Variants in GHR observed in about 807,000 individuals in gnomAD.
The protein encoded by GHR is growth hormone receptor, also known as GH receptor.
In GHR, 35 loss-of-function variants were observed where a neutral mutation model predicts 67.1. The observed-to-expected ratio is 0.52, with a 90% CI of 0.40 to 0.69. The LOEUF is 0.69. Among genes scored for constraint, GHR ranks in the 30% least tolerant of loss-of-function variants. The probability of loss-of-function intolerance (pLI) is 0.00; values close to 1 mark genes in which losing one functional copy is unlikely to be tolerated. For missense variants in GHR, 792 were observed against 764.6 expected (o/e 1.04, Z -0.42); for synonymous variants, 272 against 269.1 (o/e 1.01, Z -0.10).
At chr5:42,568,673 C>T (rs972908389) in intron 2 of GHR, among the ~76,000 whole-genome samples, 4 of 152,154 alleles carry the variant, frequency 2.6e-5, no homozygotes, top group African/African-American at 9.7e-5. Context: ...TGGAAGTAAG[C>T]AAGCCCCTGC....
At chr5:42,446,745 G>A (rs1743820974) in intron 1 of GHR, among the ~76,000 whole-genome samples, 1 of 152,202 alleles carries the variant, frequency 6.6e-6, no homozygotes, top group African/African-American at 2.4e-5. Flanking sequence ...GAAGCCTAGT[G>A]TTTATCACCA....
At chr5:42,451,610 G>A (rs1390320637) in intron 1 of GHR, among the ~76,000 whole-genome samples, 1 of 150,852 alleles carries the variant, frequency 6.6e-6, no homozygotes, top group Non-Finnish European at 1.5e-5. Flanking sequence ...AGAGGCTGTG[G>A]CAGGAGAGTC....
intron 1 of GHR, among the ~76,000 whole-genome samples, chr5:42,438,053 G>C (rs1330781797): frequency 6.6e-6 from 1 of 152,120 alleles, no homozygotes; most frequent in Non-Finnish European, 1.5e-5. Context: ...TAAACTCTTA[G>C]AAGGCAAAGG....
At chr5:42,603,913 T>C (rs1385347983) in intron 2 of GHR, among the ~76,000 whole-genome samples, 1 of 152,216 alleles carries the variant, frequency 6.6e-6, no homozygotes, top group Non-Finnish European at 1.5e-5. Context: ...CCAGGTTATT[T>C]TGCCTGTACT....
chr5:42,490,571 T>TA (rs1746074298), intron 1 of GHR, among the ~76,000 whole-genome samples: 1 of 152,244 alleles, frequency 6.6e-6, no homozygotes, highest in Non-Finnish European at 1.5e-5. Context: ...TGGCCCCCAG[T>TA]ATCCTGCTTT....
intron 2 of GHR, among the ~76,000 whole-genome samples, chr5:42,575,440 G>A (rs1750602627): frequency 1.3e-5 from 2 of 152,110 alleles, no homozygotes; most frequent in Admixed American, 1.3e-4. Flanking sequence ...AGCGATAGGA[G>A]AGTCAGAAAA....
At chr5:42,461,872 G>C (rs1351281407) in intron 1 of GHR, among the ~76,000 whole-genome samples, 2 of 152,208 alleles carry the variant, frequency 1.3e-5, no homozygotes, top group Non-Finnish European at 2.9e-5. Flanking sequence ...CAGACTGGTA[G>C]GGACTAGGTA....
intron 1 of GHR, among the ~76,000 whole-genome samples, chr5:42,562,213 T>C (rs1480030135): frequency 6.6e-6 from 1 of 152,150 alleles, no homozygotes; most frequent in Non-Finnish European, 1.5e-5. Context: ...ATGTGGACAG[T>C]GTACAATCCA....
intron 3 of GHR, among the ~76,000 whole-genome samples, chr5:42,681,207 G>A (rs1341361026): frequency 6.6e-6 from 1 of 150,762 alleles, no homozygotes; most frequent in Non-Finnish European, 1.5e-5. Flanking sequence ...TTTGCAATCC[G>A]CCCATCTGAC....
chr5:42,672,232 G>A (rs1201225910), intron 3 of GHR, among the ~76,000 whole-genome samples: 1 of 152,082 alleles, frequency 6.6e-6, no homozygotes, highest in East Asian at 1.9e-4. Context: ...ATAATTCTAT[G>A]CCTAGAAAAA....
intron 2 of GHR, among the ~76,000 whole-genome samples, chr5:42,569,432 C>G (rs77359521): frequency 1.0e-3 from 156 of 152,118 alleles, no homozygotes; most frequent in African/African-American, 3.7e-3. Flanking sequence ...ATAGAAGGCC[C>G]AGAGATAGCA....
intron 1 of GHR, among the ~76,000 whole-genome samples, chr5:42,438,209 C>T (rs1410259848): frequency 1.3e-5 from 2 of 152,166 alleles, no homozygotes; most frequent in Admixed American, 6.6e-5. Context: ...AACCCATGAT[C>T]GACCTAATTG....
At chr5:42,638,331 C>CT (rs1754304755) in intron 3 of GHR, among the ~76,000 whole-genome samples, 1 of 152,160 alleles carries the variant, frequency 6.6e-6, no homozygotes, top group Non-Finnish European at 1.5e-5. Flanking sequence ...ACAGTGTTCA[C>CT]TTTATAAATT....
At chr5:42,646,905 G>A (rs1443372443) in intron 3 of GHR, among the ~76,000 whole-genome samples, 1 of 152,116 alleles carries the variant, frequency 6.6e-6, no homozygotes, top group Admixed American at 6.5e-5. Context: ...TGGGGCTTGG[G>A]ATTTTGAGAT....
intron 1 of GHR, among the ~76,000 whole-genome samples, chr5:42,534,717 T>C (rs547962626): frequency 2.0e-5 from 3 of 152,214 alleles, no homozygotes; most frequent in South Asian, 2.1e-4. Flanking sequence ...CTACTTTTAG[T>C]TCTTTAAGGA....
At position 42,461,767 on chromosome 5, in the gene GHR, G is replaced by A. The variant is rs78420100; in HGVS notation, c.-12+37812G>A. 1.9e-3 allele frequency among the ~76,000 whole-genome samples: 286 copies of A among 152,244 alleles called. 1 individual carries two copies. The highest frequency in any genetic ancestry group is 3.4e-3 in the Middle Eastern group (1 of 294). ...ATGTCTCTTAGTATTTATGGAAGGG[G>A]ACATGAAAAAAGAAAAAGTCCACTG... On this transcript the variant is annotated intron_variant, in intron 1 of 9. Coordinates refer to ENST00000230882, the MANE Select transcript of GHR (RefSeq NM_000163.5).
intron 3 of GHR, among the ~76,000 whole-genome samples, chr5:42,656,861 C>T (rs936037379): frequency 2.6e-5 from 4 of 152,020 alleles, no homozygotes; most frequent in African/African-American, 4.8e-5. Context: ...TATTTGCTGC[C>T]ATCTAGTGTA....
intron 3 of GHR, among the ~76,000 whole-genome samples, chr5:42,656,502 A>G (rs1400990357): frequency 1.3e-5 from 2 of 152,068 alleles, no homozygotes; most frequent in African/African-American, 2.4e-5. Context: ...TCTAAAGCCT[A>G]TCTTTGCACT....
chr5:42,470,502 A>T (rs1202527259), intron 1 of GHR, among the ~76,000 whole-genome samples: 1 of 152,120 alleles, frequency 6.6e-6, no homozygotes, highest in African/African-American at 2.4e-5. Context: ...CATCAATAAC[A>T]GTTATGCAGA....
Sources: gnomAD v4.1 joint callset for allele counts (sites outside exome capture counted in the v4.1 genomes callset) on GRCh38, gnomAD v4.1.1 for gene constraint, MANE v1.5 for transcripts, NCBI Gene and HGNC (gene_info 2026-07-23, HGNC 2026-07-21) for gene names.